GMDS: variants seen among roughly 807,000 people sequenced by gnomAD.
GMDS encodes the protein GDP-mannose 4,6-dehydratase, also known as GDP-mannose 4,6 dehydratase.
GMDS carries 20 observed loss-of-function variants against 49.9 expected under a neutral mutation model. The ratio of observed to expected loss-of-function variants is 0.40; its 90% CI spans 0.28 to 0.58. GMDS has a LOEUF of 0.58. Among genes scored for constraint, GMDS ranks in the 20% least tolerant of loss-of-function variants. The pLI, the probability that GMDS is intolerant of heterozygous loss-of-function variation, is 0.42. For synonymous variants in GMDS, 177 were observed against 178.6 expected (o/e 0.99, Z 0.07); for missense variants, 362 against 481.4 (o/e 0.75, Z 2.32).
intron 4 of GMDS, among the ~76,000 whole-genome samples, chr6:2,047,613 T>C (rs1770100624): frequency 6.6e-6 from 1 of 152,164 alleles, no homozygotes; most frequent in African/African-American, 2.4e-5. Context: ...CTCAGCCTCC[T>C]GAGTAGCTGG....
chr6:2,126,595 G>A (rs1179339534), intron 1 of GMDS, among the ~76,000 whole-genome samples: 2 of 152,126 alleles, frequency 1.3e-5, no homozygotes, highest in South Asian at 2.1e-4. Flanking sequence ...GCATACAAGG[G>A]ACACATTCTG....
chr6:2,243,723 T>C (rs1781719453), intron 1 of GMDS, among the ~76,000 whole-genome samples: 1 of 152,124 alleles, frequency 6.6e-6, no homozygotes. Flanking sequence ...AACTCTTGTC[T>C]ATTATGATTA....
intron 1 of GMDS, among the ~76,000 whole-genome samples, chr6:2,244,103 C>G (rs756588620): frequency 4.0e-5 from 6 of 151,894 alleles, no homozygotes; most frequent in Non-Finnish European, 5.9e-5. Context: ...GGCCTCACCT[C>G]GAGCAATCCT....
chr6:2,057,039 G>A (rs776460837), intron 4 of GMDS, among the ~76,000 whole-genome samples: 9 of 152,158 alleles, frequency 5.9e-5, no homozygotes, highest in Admixed American at 2.6e-4. Context: ...GCAGTTCCTA[G>A]CCTGATGAGG....
intron 4 of GMDS, among the ~76,000 whole-genome samples, chr6:2,061,049 G>T (rs1306199216): frequency 6.6e-6 from 1 of 151,920 alleles, no homozygotes; most frequent in Non-Finnish European, 1.5e-5. Flanking sequence ...GAAAGGGAAA[G>T]AAAAGAAAAG....
At chr6:2,069,116 A>G (rs1385635116) in intron 4 of GMDS, among the ~76,000 whole-genome samples, 1 of 152,206 alleles carries the variant, frequency 6.6e-6, no homozygotes, top group Non-Finnish European at 1.5e-5. Flanking sequence ...AACGTCGCGT[A>G]TCTAAAACTA....
intron 4 of GMDS, among the ~76,000 whole-genome samples, chr6:1,990,870 C>T (rs1169750027): frequency 6.6e-6 from 1 of 152,084 alleles, no homozygotes; most frequent in Non-Finnish European, 1.5e-5. Context: ...AGGCATAAGC[C>T]TCCGTGCCCG....
At chr6:1,741,383 T>C (rs1767262500) in intron 8 of GMDS, among the ~76,000 whole-genome samples, 1 of 152,218 alleles carries the variant, frequency 6.6e-6, no homozygotes, top group South Asian at 2.1e-4. Context: ...TTCTACTCTC[T>C]GCTTCTCTAT....
At chr6:1,654,822 G>A (rs1186532220) in intron 9 of GMDS, among the ~76,000 whole-genome samples, 7 of 152,094 alleles carry the variant, frequency 4.6e-5, no homozygotes, top group Admixed American at 4.6e-4. Flanking sequence ...CAGCACTTTG[G>A]GAGCTCGAGG....
At chr6:1,770,448 C>T (rs950871355) in intron 7 of GMDS, among the ~76,000 whole-genome samples, 2 of 152,190 alleles carry the variant, frequency 1.3e-5, no homozygotes, top group African/African-American at 4.8e-5. Context: ...AGAATCTGAC[C>T]GTGGAGCACA....
chr6:1,833,705 G>C lies in GMDS; in HGVS notation c.772-91119C>G, dbSNP rs1756786247. Among the ~76,000 whole-genome samples, 1 of 152,098 alleles carries C rather than the reference G, an allele frequency of 6.6e-6. No homozygotes were observed. The highest frequency in any genetic ancestry group is 1.5e-5 in the Non-Finnish European group (1 of 68,010). ...AGCGAAGTTTAAAACTATAACCAAGGTTGTTTAAAAAACCATTTTCACATG... is the reference window on the plus strand; with the variant it reads ...AGCGAAGTTTAAAACTATAACCAAGCTTGTTTAAAAAACCATTTTCACATG... On this transcript the variant is annotated intron_variant, in intron 7 of 10. Transcript: ENST00000380815. This position sits in a 1 kb window ranked among gnomAD's most constrained non-coding sequence, Gnocchi z 4.4.
intron 7 of GMDS, among the ~76,000 whole-genome samples, chr6:1,924,608 AT>A (rs1165857334): frequency 1.4e-4 from 22 of 152,256 alleles, no homozygotes; most frequent in African/African-American, 4.3e-4. Context: ...GTGGGATCTC[AT>A]TGGGACCATA....
intron 6 of GMDS, among the ~76,000 whole-genome samples, chr6:1,948,253 T>C (rs1763182424): frequency 6.6e-6 from 1 of 152,176 alleles, no homozygotes; most frequent in Non-Finnish European, 1.5e-5. Context: ...CAATATTCCA[T>C]AACAAATAGT....
chr6:2,161,892 T>C (rs917581246), intron 1 of GMDS, among the ~76,000 whole-genome samples: 1 of 152,114 alleles, frequency 6.6e-6, no homozygotes, highest in Non-Finnish European at 1.5e-5. Flanking sequence ...TTCAAGCAAG[T>C]CACTAATGAC....
intron 9 of GMDS, among the ~76,000 whole-genome samples, chr6:1,724,456 C>T (rs1195276421): frequency 6.6e-6 from 1 of 152,146 alleles, no homozygotes; most frequent in East Asian, 1.9e-4. Context: ...CCTTATCAAT[C>T]CCACACCTTG....
chr6:1,824,698 C>A (rs573447559), intron 7 of GMDS, among the ~76,000 whole-genome samples: 2 of 152,246 alleles, frequency 1.3e-5, no homozygotes, highest in East Asian at 3.9e-4. Context: ...ACACCTAGGG[C>A]CTCCTTTTAA....
chr6:1,705,511 C>T (rs1291459360), intron 9 of GMDS, among the ~76,000 whole-genome samples: 1 of 152,192 alleles, frequency 6.6e-6, no homozygotes, highest in Non-Finnish European at 1.5e-5. Flanking sequence ...ATTCCTTCAG[C>T]AAAATGTATG....
intron 4 of GMDS, among the ~76,000 whole-genome samples, chr6:1,992,520 T>C (rs1766014252): frequency 6.6e-6 from 1 of 152,204 alleles, no homozygotes; most frequent in Admixed American, 6.5e-5. Flanking sequence ...TTGCAGCACC[T>C]GTTCCTACTG....
intron 7 of GMDS, among the ~76,000 whole-genome samples, chr6:1,875,218 T>A (rs1160286467): frequency 6.6e-6 from 1 of 152,184 alleles, no homozygotes; most frequent in African/African-American, 2.4e-5. Context: ...TCAATTTTGA[T>A]GTTTATAATA....
Sources: gnomAD v4.1 joint callset for allele counts (sites outside exome capture counted in the v4.1 genomes callset) on GRCh38, gnomAD v4.1.1 for gene constraint, Gnocchi (gnomAD v3.1) non-coding constraint, MANE v1.5 for transcripts, NCBI Gene and HGNC (gene_info 2026-07-23, HGNC 2026-07-21) for gene names.